PPM1L: variants seen among roughly 807,000 people sequenced by gnomAD.
PPM1L encodes the protein protein phosphatase 1L.
PPM1L carries 13 observed loss-of-function variants against 31.4 expected under a neutral mutation model. The ratio of observed to expected loss-of-function variants is 0.41; its 90% CI spans 0.27 to 0.66. The LOEUF (loss-of-function observed/expected upper bound fraction) is 0.66, where lower values mean the gene tolerates loss of function less well. PPM1L is among the 30% of genes least tolerant of loss of function. The probability of loss-of-function intolerance (pLI) is 0.29; values close to 1 mark genes in which losing one functional copy is unlikely to be tolerated. For missense variants in PPM1L, 326 were observed against 453.7 expected (o/e 0.72, Z 2.56); for synonymous variants, 184 against 175.4 (o/e 1.05, Z -0.39).
intron 1 of PPM1L, among the ~76,000 whole-genome samples, chr3:160,814,869 G>T (rs781454726): frequency 6.6e-6 from 1 of 151,964 alleles, no homozygotes; most frequent in Non-Finnish European, 1.5e-5. Flanking sequence ...GGATGGAGTT[G>T]GAGACCATTA....
intron 1 of PPM1L, among the ~76,000 whole-genome samples, chr3:160,920,666 CATAT>C (rs1559888000): frequency 8.4e-6 from 1 of 119,214 alleles, no homozygotes; most frequent in Middle Eastern, 4.3e-3. Flanking sequence ...CACACACACA[CATAT>C]TAAAGATCTG....
chr3:160,994,212 G>C (rs936580950), intron 2 of PPM1L, among the ~76,000 whole-genome samples: 1 of 152,128 alleles, frequency 6.6e-6, no homozygotes, highest in African/African-American at 2.4e-5. Context: ...AAGGCACCAA[G>C]TTGAAGAGGC....
At chr3:161,045,926 A>G (rs960950184) in intron 2 of PPM1L, among the ~76,000 whole-genome samples, 1 of 151,858 alleles carries the variant, frequency 6.6e-6, no homozygotes, top group East Asian at 1.9e-4. Context: ...CCTGGCTAAC[A>G]CAGTGAAACC....
At position 161,023,530 on chromosome 3, in the gene PPM1L, A is replaced by G. The variant is rs538420897; in HGVS notation, c.575-41873A>G. ...CTCATATCGGCTGTAAAATCCTTCT[A>G]TTGAATTTTTCATTTCATTTACTAC... On this transcript the variant is annotated intron_variant, in intron 2 of 3. Transcript: ENST00000498165. Among the ~76,000 whole-genome samples, 5 of 152,194 alleles carry G rather than the reference A, an allele frequency of 3.3e-5. No homozygotes were observed. The East Asian group carries it at 7.7e-4, about 24-fold the overall frequency.
intron 1 of PPM1L, among the ~76,000 whole-genome samples, chr3:160,914,747 C>T (rs1306772765): frequency 6.6e-6 from 1 of 152,112 alleles, no homozygotes; most frequent in East Asian, 1.9e-4. Context: ...CCGCACTAAA[C>T]ATATGTGTGC....
At chr3:160,843,132 G>A (rs78597462) in intron 1 of PPM1L, among the ~76,000 whole-genome samples, 16,854 of 151,186 alleles carry the variant, frequency 0.11, 1,964 homozygotes, top group African/African-American at 0.3. Flanking sequence ...CTCCTATCCT[G>A]TATCTCACAA....
intron 2 of PPM1L, among the ~76,000 whole-genome samples, chr3:160,973,723 C>CT (rs1375295244): frequency 8.0e-6 from 1 of 125,220 alleles, no homozygotes; most frequent in African/African-American, 2.8e-5. Flanking sequence ...CTACTAGACA[C>CT]TTTAAGAATT....
At chr3:161,024,451 C>A (rs974375612) in intron 2 of PPM1L, among the ~76,000 whole-genome samples, 8 of 152,046 alleles carry the variant, frequency 5.3e-5, no homozygotes, top group Non-Finnish European at 1.2e-4. Context: ...GTAATCCCAG[C>A]ACTTTGGGAG....
intron 1 of PPM1L, among the ~76,000 whole-genome samples, chr3:160,848,821 TCTCTC>T (rs1714162619): frequency 6.6e-6 from 1 of 152,222 alleles, no homozygotes; most frequent in Non-Finnish European, 1.5e-5. Context: ...ACATATTCTT[TCTCTC>T]ATTTTATGAA....
At chr3:160,917,253 T>C (rs1251930957) in intron 1 of PPM1L, among the ~76,000 whole-genome samples, 1 of 152,236 alleles carries the variant, frequency 6.6e-6, no homozygotes, top group Non-Finnish European at 1.5e-5. Flanking sequence ...ATTCCACTGC[T>C]GCTTAAAGTT....
At chr3:160,905,598 C>T (rs1401017591) in intron 1 of PPM1L, among the ~76,000 whole-genome samples, 2 of 152,036 alleles carry the variant, frequency 1.3e-5, no homozygotes, top group Admixed American at 6.5e-5. Context: ...ACTTTATATA[C>T]ATTGGAAGTG....
At chr3:161,006,020 TAAAC>T (rs1285396008) in intron 2 of PPM1L, among the ~76,000 whole-genome samples, 3 of 151,630 alleles carry the variant, frequency 2.0e-5, no homozygotes, top group Admixed American at 1.3e-4. Context: ...AAAAATAACA[TAAAC>T]AAAAAACACA....
At chr3:161,063,674 T>C (rs1719641542) in intron 2 of PPM1L, among the ~76,000 whole-genome samples, 1 of 152,196 alleles carries the variant, frequency 6.6e-6, no homozygotes, top group African/African-American at 2.4e-5. Context: ...ACTGGGTATA[T>C]ACCCAAAGGA....
In PPM1L at chr3:160,831,742, G is replaced by A. The variant is rs142788539; in HGVS notation, c.399+75035G>A. 7.6e-4 allele frequency among the ~76,000 whole-genome samples: 116 copies of A among 152,302 alleles called. 2 individuals are homozygous for A. The East Asian group carries it at 0.02, about 27-fold the overall frequency. ...TGTGAGCAGAGTTGTAAGAAATTTA[G>A]ATTTGAGTTTCAACCATGTCCTATT... is the stretch of plus-strand genomic sequence containing the variant. On this transcript the variant is annotated intron_variant, in intron 1 of 3. Coordinates refer to ENST00000498165, the MANE Select transcript of PPM1L (RefSeq NM_139245.4).
At chr3:160,909,225 T>G (rs957079452) in intron 1 of PPM1L, among the ~76,000 whole-genome samples, 12 of 151,874 alleles carry the variant, frequency 7.9e-5, no homozygotes, top group Non-Finnish European at 1.2e-4. Context: ...GTAGGAGGAA[T>G]GAGGAGGAAT....
chr3:160,877,959 C>T (rs1333355214), intron 1 of PPM1L, among the ~76,000 whole-genome samples: 1 of 152,168 alleles, frequency 6.6e-6, no homozygotes, highest in African/African-American at 2.4e-5. Context: ...CAGGCATTCA[C>T]CTGTGTAAGC....
chr3:160,856,493 C>T (rs923565130), intron 1 of PPM1L, among the ~76,000 whole-genome samples: 4 of 152,120 alleles, frequency 2.6e-5, no homozygotes, highest in African/African-American at 9.7e-5. Context: ...AGAATGAGAT[C>T]ATGTCCTTTG....
At chr3:161,000,563 A>G (rs1717449286) in intron 2 of PPM1L, among the ~76,000 whole-genome samples, 1 of 152,242 alleles carries the variant, frequency 6.6e-6, no homozygotes, top group Non-Finnish European at 1.5e-5. Context: ...GAGAAGGCTG[A>G]TGAATCTGGA....
chr3:160,868,318 T>C (rs1712165890), intron 1 of PPM1L, among the ~76,000 whole-genome samples: 1 of 152,178 alleles, frequency 6.6e-6, no homozygotes, highest in Admixed American at 6.6e-5. Context: ...AGTAGGTGCC[T>C]GACAGCAGAT....
Sources: allele counts gnomAD v4.1 joint callset (sites outside exome capture counted in the v4.1 genomes callset), GRCh38; gene constraint gnomAD v4.1.1; transcripts MANE v1.5; gene names NCBI Gene and HGNC (gene_info 2026-07-23, HGNC 2026-07-21).